SH3D19: variants seen among roughly 807,000 people sequenced by gnomAD.
SH3D19 encodes the protein SH3 domain containing 19.
SH3D19 carries 58 observed loss-of-function variants against 112.1 expected under a neutral mutation model. That is an observed-to-expected ratio of 0.52 (90% CI 0.42 to 0.64). SH3D19 has a LOEUF of 0.64. Among genes scored for constraint, SH3D19 ranks in the 30% least tolerant of loss-of-function variants. SH3D19 has a pLI of 0.00. For synonymous variants in SH3D19, 391 were observed against 448.5 expected (o/e 0.87, Z 1.62); for missense variants, 1,090 against 1,263.4 (o/e 0.86, Z 2.08).
chr4:151,185,130 G>T (rs1352431304), intron 3 of SH3D19, among the ~76,000 whole-genome samples: 1 of 146,844 alleles, frequency 6.8e-6, no homozygotes, highest in Non-Finnish European at 1.5e-5. Flanking sequence ...GATCTATCTT[G>T]GGGGATCCAT....
At chr4:151,324,865 C>T (rs1730895902) in intron 1 of SH3D19, among the ~76,000 whole-genome samples, 1 of 152,034 alleles carries the variant, frequency 6.6e-6, no homozygotes, top group African/African-American at 2.4e-5. Context: ...GACCTGGCTG[C>T]GGCGGCGCAG....
chr4:151,158,460 C>T (rs375663427), intron 9 of SH3D19, among the ~76,000 whole-genome samples: 5 of 152,022 alleles, frequency 3.3e-5, no homozygotes, highest in South Asian at 2.1e-4. Flanking sequence ...ACACCACGTC[C>T]GGCTAATTTT....
chr4:151,257,808 C>G (rs1772052274), intron 1 of SH3D19, among the ~76,000 whole-genome samples: 1 of 152,106 alleles, frequency 6.6e-6, no homozygotes, highest in Non-Finnish European at 1.5e-5. Context: ...ACTCCAGAGA[C>G]TGAGGAGGGA....
chr4:151,133,567 C>T (rs1751202764), intron 15 of SH3D19, among the ~76,000 whole-genome samples: 1 of 152,082 alleles, frequency 6.6e-6, no homozygotes, highest in South Asian at 2.1e-4. Flanking sequence ...CAGTCTGAAC[C>T]CTTCCAATCA....
At chr4:151,214,576 C>T (rs1489047163) in intron 2 of SH3D19, among the ~76,000 whole-genome samples, 3 of 140,388 alleles carry the variant, frequency 2.1e-5, no homozygotes, top group Non-Finnish European at 4.8e-5. Context: ...GGAGGCTGGC[C>T]GGGCAGGGGG....
intron 1 of SH3D19, among the ~76,000 whole-genome samples, chr4:151,310,210 CAAAAAAAAAA>C (rs1207145608): frequency 0.027 from 2,698 of 100,342 alleles, 38 homozygotes; most frequent in South Asian, 0.07. Context: ...TCTGTCTTTA[CAAAAAAAAAA>C]AAAAAAAAAA....
At chr4:151,153,246 ACTT>A (rs1755414669) in intron 9 of SH3D19, among the ~76,000 whole-genome samples, 1 of 151,842 alleles carries the variant, frequency 6.6e-6, no homozygotes, top group Non-Finnish European at 1.5e-5. Context: ...AATTAGCACT[ACTT>A]CTTTTTTTAT....
chr4:151,132,688 T>G (rs578042199), intron 16 of SH3D19, among the ~76,000 whole-genome samples: 2 of 152,336 alleles, frequency 1.3e-5, no homozygotes, highest in African/African-American at 4.8e-5. Flanking sequence ...CAGGCTGGAG[T>G]GCAGTGGTAC....
In SH3D19 at chr4:151,272,763, C is replaced by G. The variant is rs955905082; in HGVS notation, c.113-46677G>C. Among the ~76,000 whole-genome samples the G allele has an allele frequency of 3.5e-5, 5 of 142,762 alleles. No individual in the cohort carries two copies. In the East Asian group the frequency reaches 1.0e-3, roughly 29 times the overall value. The allele number at this position is 142,762 out of a possible 152,430, so 93.7% of individuals were successfully genotyped here. On this transcript the variant is annotated intron_variant, in intron 1 of 19. Transcript: ENST00000604030. ...CTTTAGAGATTCAGGTTTCACTTTT[C>G]TTTTTTTTTTTTTAACAAGGATACT...
intron 8 of SH3D19, among the ~76,000 whole-genome samples, chr4:151,164,230 C>A (rs1427483183): frequency 3.3e-5 from 5 of 152,098 alleles, no homozygotes; most frequent in Non-Finnish European, 5.9e-5. Context: ...TCTTGTTAGA[C>A]AAAGGAAAGA....
At chr4:151,301,174 C>A (rs1728378280) in intron 1 of SH3D19, among the ~76,000 whole-genome samples, 2 of 152,232 alleles carry the variant, frequency 1.3e-5, no homozygotes, top group African/African-American at 4.8e-5. Context: ...CATGGTTTAA[C>A]ACCATCCCCC....
intron 1 of SH3D19, among the ~76,000 whole-genome samples, chr4:151,237,182 C>T (rs1226897357): frequency 3.3e-5 from 5 of 152,130 alleles, no homozygotes; most frequent in African/African-American, 1.2e-4. Context: ...CAACTCTGGA[C>T]ACGCCGCCTT....
At chr4:151,303,610 A>G (rs1219262101) in intron 1 of SH3D19, among the ~76,000 whole-genome samples, 3 of 152,306 alleles carry the variant, frequency 2.0e-5, no homozygotes, top group Non-Finnish European at 2.9e-5. Context: ...TTAGCCATAC[A>G]TTATGTTTTA....
intron 1 of SH3D19, among the ~76,000 whole-genome samples, chr4:151,229,926 C>CA (rs1296548329): frequency 6.6e-6 from 1 of 151,924 alleles, no homozygotes; most frequent in Non-Finnish European, 1.5e-5. Flanking sequence ...AAAACAAAAA[C>CA]AAAAACAAAA....
intron 1 of SH3D19, among the ~76,000 whole-genome samples, chr4:151,232,872 G>A (rs1418776957): frequency 6.6e-6 from 1 of 152,142 alleles, no homozygotes; most frequent in Non-Finnish European, 1.5e-5. Flanking sequence ...TTATCTTAAA[G>A]TTCTAGAGGC....
intron 1 of SH3D19, among the ~76,000 whole-genome samples, chr4:151,308,879 T>C (rs1444263142): frequency 6.6e-6 from 1 of 152,222 alleles, no homozygotes; most frequent in African/African-American, 2.4e-5. Context: ...TTTTTTCTTT[T>C]ATTTTTTTAG....
intron 2 of SH3D19, among the ~76,000 whole-genome samples, chr4:151,216,017 G>T (rs1219949416): frequency 6.6e-6 from 1 of 152,128 alleles, no homozygotes; most frequent in Admixed American, 6.5e-5. Context: ...TTTTAGTAGA[G>T]ACAGGGTTTC....
At chr4:151,153,434 T>C (rs531905232) in intron 9 of SH3D19, among the ~76,000 whole-genome samples, 69 of 150,546 alleles carry the variant, frequency 4.6e-4, no homozygotes, top group African/African-American at 1.6e-3. Context: ...TTAGTAGAGA[T>C]GGGGGTTTCA....
intron 8 of SH3D19, among the ~76,000 whole-genome samples, chr4:151,162,301 T>C (rs1157014123): frequency 6.6e-6 from 1 of 152,156 alleles, no homozygotes; most frequent in Non-Finnish European, 1.5e-5. Context: ...TCCAGCTTCA[T>C]CCACGTCCCT....
Sources: allele counts gnomAD v4.1 joint callset (sites outside exome capture counted in the v4.1 genomes callset), GRCh38; gene constraint gnomAD v4.1.1; transcripts MANE v1.5; gene names NCBI Gene and HGNC (gene_info 2026-07-23, HGNC 2026-07-21).